Variants in STPG2 observed in about 807,000 individuals in gnomAD.
The protein encoded by STPG2 is sperm-tail PG-rich repeat-containing protein 2.
Under a neutral mutation model 54.2 loss-of-function variants are expected in STPG2, and 56 were observed. The observed-to-expected ratio is 1.03, with a 90% CI of 0.83 to 1.29. The LOEUF (loss-of-function observed/expected upper bound fraction) is 1.29, where lower values mean the gene tolerates loss of function less well. STPG2 is among the 50% of genes most tolerant of loss of function. The probability of loss-of-function intolerance (pLI) is 0.00; values close to 1 mark genes in which losing one functional copy is unlikely to be tolerated. For synonymous variants in STPG2, 200 were observed against 181.8 expected, an observed-to-expected ratio of 1.10 and a Z score of -0.81; for missense variants, 596 against 544.9, an observed-to-expected ratio of 1.09 and a Z score of -0.93.
chr4:97,852,742 A>G (rs961877107), intron 8 of STPG2, among the ~76,000 whole-genome samples: 1 of 152,136 alleles, frequency 6.6e-6, no homozygotes. Flanking sequence ...GAGAAAGGAG[A>G]AAAATCAAGA....
intron 4 of STPG2, among the ~76,000 whole-genome samples, chr4:97,496,798 C>T (rs1730621216): frequency 6.6e-6 from 1 of 151,710 alleles, no homozygotes; most frequent in Admixed American, 6.6e-5. Flanking sequence ...TATGCTTTGA[C>T]TTTGCTGAAA....
intron 3 of STPG2, among the ~76,000 whole-genome samples, chr4:98,117,893 A>C (rs990718778): frequency 6.6e-6 from 1 of 152,058 alleles, no homozygotes; most frequent in Non-Finnish European, 1.5e-5. Flanking sequence ...TAAAATAGCT[A>C]ATTTAAAAAT....
At chr4:97,938,762 T>A (rs1272263010) in intron 8 of STPG2, among the ~76,000 whole-genome samples, 1 of 152,032 alleles carries the variant, frequency 6.6e-6, no homozygotes, top group Non-Finnish European at 1.5e-5. Context: ...CTGCTTTTCA[T>A]TGCTCTCCAT....
At chr4:97,607,446 G>C (rs902764200) in intron 10 of STPG2, among the ~76,000 whole-genome samples, 4 of 152,054 alleles carry the variant, frequency 2.6e-5, no homozygotes, top group Non-Finnish European at 5.9e-5. Context: ...ATCAAAGACA[G>C]TAAAAGGCAT....
At chr4:98,128,999 G>C (rs1265502954) in intron 2 of STPG2, among the ~76,000 whole-genome samples, 1 of 152,116 alleles carries the variant, frequency 6.6e-6, no homozygotes, top group East Asian at 1.9e-4. Context: ...CTCCCAAAGT[G>C]CTGGGATTAC....
At chr4:97,551,891 C>T (rs1731974616) in intron 4 of STPG2, among the ~76,000 whole-genome samples, 1 of 152,018 alleles carries the variant, frequency 6.6e-6, no homozygotes, top group African/African-American at 2.4e-5. Flanking sequence ...CTTATGGGTC[C>T]TTAGGTAATG....
At chr4:97,560,670 A>G (rs1402028042) in intron 10 of STPG2, among the ~76,000 whole-genome samples, 1 of 152,160 alleles carries the variant, frequency 6.6e-6, no homozygotes, top group Admixed American at 6.5e-5. Context: ...AAACAAAACA[A>G]AACAATGAGA....
rs558107528 is a variant in STPG2 at position 97,681,104 on chromosome 4, T to C, written c.1320+31595A>G. Among the ~76,000 whole-genome samples, 203 of 152,050 alleles carry C rather than the reference T, an allele frequency of 1.3e-3. 1 individual carries two copies. The highest frequency in any genetic ancestry group is 4.7e-3 in the African/African-American group (196 of 41,530). On this transcript the variant is annotated intron_variant, in intron 10 of 10. Transcript: ENST00000295268. ...TCAAACTGCATATGTAGTAACACAGTGATTATTAAAACTGAATTTCCTGGT... is the reference window on the plus strand; with the variant it reads ...TCAAACTGCATATGTAGTAACACAGCGATTATTAAAACTGAATTTCCTGGT...
At chr4:98,058,853 A>T (rs1737559177) in intron 5 of STPG2, among the ~76,000 whole-genome samples, 1 of 151,962 alleles carries the variant, frequency 6.6e-6, no homozygotes, top group Non-Finnish European at 1.5e-5. Flanking sequence ...AAAAACCAAA[A>T]TCATACCAAT....
At chr4:98,009,083 T>C (rs577059485) in intron 5 of STPG2, among the ~76,000 whole-genome samples, 2 of 152,152 alleles carry the variant, frequency 1.3e-5, no homozygotes, top group South Asian at 2.1e-4. Context: ...AAAACCCAAC[T>C]CTTATTTTCA....
intron 3 of STPG2, among the ~76,000 whole-genome samples, chr4:98,122,235 T>C (rs917571315): frequency 6.6e-6 from 1 of 152,144 alleles, no homozygotes; most frequent in Non-Finnish European, 1.5e-5. Context: ...TCCAATACTA[T>C]GTTGAATAGG....
At chr4:98,003,948 A>G (rs978925453) in intron 5 of STPG2, among the ~76,000 whole-genome samples, 9 of 152,100 alleles carry the variant, frequency 5.9e-5, no homozygotes, top group South Asian at 2.1e-4. Context: ...TTGTGAAATG[A>G]TTATAATAAT....
At chr4:97,913,981 G>C (rs1290809965) in intron 8 of STPG2, among the ~76,000 whole-genome samples, 5 of 152,108 alleles carry the variant, frequency 3.3e-5, no homozygotes, top group Admixed American at 6.5e-5. Flanking sequence ...GAATATTCAA[G>C]CTCAAATCAA....
At chr4:97,899,265 G>C (rs1228068435) in intron 8 of STPG2, among the ~76,000 whole-genome samples, 6 of 151,822 alleles carry the variant, frequency 4.0e-5, no homozygotes, top group Non-Finnish European at 7.4e-5. Context: ...CAACTAACCA[G>C]AGAGGTGAAA....
At chr4:97,812,494 T>C (rs1727772425) in intron 9 of STPG2, among the ~76,000 whole-genome samples, 1 of 152,188 alleles carries the variant, frequency 6.6e-6, no homozygotes, top group African/African-American at 2.4e-5. Flanking sequence ...AGGCTTTTCA[T>C]ACTTATTTTG....
intron 1 of STPG2, among the ~76,000 whole-genome samples, chr4:98,140,082 C>T (rs1432284203): frequency 6.6e-6 from 1 of 152,134 alleles, no homozygotes; most frequent in African/African-American, 2.4e-5. Context: ...AAAGAGTAGT[C>T]AGTGAACAAC....
chr4:97,861,959 T>A lies in STPG2; in HGVS notation c.1045-21027A>T, dbSNP rs539442241. On this transcript the variant is annotated intron_variant, in intron 8 of 10. Coordinates refer to ENST00000295268, the MANE Select transcript of STPG2 (RefSeq NM_174952.3). ...GAAAGGAACAACTGGTACCAGCCAC[T>A]GCAAAAACATGCCAAATTGTAAAGA... Among the ~76,000 whole-genome samples, 30 of 152,046 alleles carry A rather than the reference T, an allele frequency of 2.0e-4. No individual in the cohort carries two copies. The South Asian group carries it at 6.0e-3, about 31-fold the overall frequency.
intron 5 of STPG2, among the ~76,000 whole-genome samples, chr4:98,014,034 C>A (rs1487172277): frequency 1.3e-5 from 2 of 151,934 alleles, no homozygotes; most frequent in Non-Finnish European, 2.9e-5. Context: ...TTTGCTCTTG[C>A]TTCTCTAGGT....
chr4:97,550,580 TATTAAG>T (rs1213427209), intron 4 of STPG2, among the ~76,000 whole-genome samples: 1 of 152,186 alleles, frequency 6.6e-6, no homozygotes, highest in Non-Finnish European at 1.5e-5. Context: ...TTACCTATGT[TATTAAG>T]ATTATTTACT....
Sources: gnomAD v4.1 joint callset for allele counts (sites outside exome capture counted in the v4.1 genomes callset) on GRCh38, gnomAD v4.1.1 for gene constraint, MANE v1.5 for transcripts, NCBI Gene and HGNC (gene_info 2026-07-23, HGNC 2026-07-21) for gene names.